VWA3B: variants seen among roughly 807,000 people sequenced by gnomAD.
VWA3B encodes von Willebrand factor A domain containing 3B.
In VWA3B, 138 loss-of-function variants were observed where a neutral mutation model predicts 158.3. That is an observed-to-expected ratio of 0.87 (90% CI 0.76 to 1.00). The LOEUF (loss-of-function observed/expected upper bound fraction) is 1.00, where lower values mean the gene tolerates loss of function less well. Among genes scored for constraint, VWA3B ranks in the 50% least tolerant of loss-of-function variants. The pLI, the probability that VWA3B is intolerant of heterozygous loss-of-function variation, is 0.00. For missense variants in VWA3B, 1,555 were observed against 1,565.1 expected, an observed-to-expected ratio of 0.99 and a Z score of 0.11; for synonymous variants, 596 against 587.3, an observed-to-expected ratio of 1.01 and a Z score of -0.21.
chr2:98,270,884 G>A lies in VWA3B; in HGVS notation c.3045+1G>A, dbSNP rs762357473. On this transcript the variant is annotated splice_donor_variant, in intron 22 of 27. Coordinates refer to ENST00000477737, the MANE Select transcript of VWA3B (RefSeq NM_144992.5). LOFTEE classifies it high-confidence loss of function. ...TTATGCAAACAAGGCCCCGGGAGAG[G>A]TGGGTGCCCTGGAGGTCTCTGTCTT... The A allele has an allele frequency of 1.2e-6, 2 of 1,613,588 alleles. No individual in the cohort carries two copies. Among genetic ancestry groups the A allele is most frequent in the East Asian group, 2.2e-5 (1 of 44,872 alleles).
At chr2:98,200,826 T>C (rs934994719) in intron 12 of VWA3B, among the ~76,000 whole-genome samples, 24 of 152,202 alleles carry the variant, frequency 1.6e-4, no homozygotes, top group Admixed American at 1.0e-3. Flanking sequence ...AAGAATAGGG[T>C]TCATTTTGAG....
At chr2:98,118,144 A>G (rs1030081185) in intron 3 of VWA3B, among the ~76,000 whole-genome samples, 7 of 152,204 alleles carry the variant, frequency 4.6e-5, no homozygotes, top group African/African-American at 9.7e-5. Context: ...ATTAAAATCA[A>G]TGCAAAACTT....
intron 17 of VWA3B, among the ~76,000 whole-genome samples, chr2:98,235,394 C>T (rs62156685): frequency 0.041 from 6,241 of 151,418 alleles, 192 homozygotes; most frequent in Middle Eastern, 0.082. Context: ...ACTCTGTTTT[C>T]TTCATTGCTG....
intron 5 of VWA3B, among the ~76,000 whole-genome samples, chr2:98,127,106 C>T (rs930439077): frequency 6.6e-6 from 1 of 152,140 alleles, no homozygotes; most frequent in Admixed American, 6.5e-5. Flanking sequence ...GGGATGGTGA[C>T]ATCTATTTAC....
rs139923108 is a variant in VWA3B at position 98,254,954 on chromosome 2, C to T, written c.2793-1170C>T. Among the ~76,000 whole-genome samples the T allele has an allele frequency of 6.8e-3, 1,040 of 152,230 alleles. 15 individuals carry two copies. Among genetic ancestry groups the T allele is most frequent in the African/African-American group, 0.024 (991 of 41,494 alleles). On this transcript the variant is annotated intron_variant, in intron 20 of 27. Coordinates refer to ENST00000477737, the MANE Select transcript of VWA3B (RefSeq NM_144992.5). ...GCTGGGTCCAGTGGTTAGAAGAATGCCTCCTGAAGAGCAGTAGCATTCTCC... is the reference window on the plus strand; with the variant it reads ...GCTGGGTCCAGTGGTTAGAAGAATGTCTCCTGAAGAGCAGTAGCATTCTCC...
At position 98,223,116 on chromosome 2, in the gene VWA3B, C is replaced by T. The variant is rs145600060; in HGVS notation, c.2020-5086C>T. ...TGAAACAAATGAACAAATAGGCAAT[C>T]TCAGAATATAAGTAGGAATTATAAA... On this transcript the variant is annotated intron_variant, in intron 14 of 27. Coordinates refer to ENST00000477737, the MANE Select transcript of VWA3B (RefSeq NM_144992.5). Among the ~76,000 whole-genome samples, 957 of 152,082 alleles carry T rather than the reference C, an allele frequency of 6.3e-3. 5 individuals are homozygous for T. The highest frequency in any genetic ancestry group is 0.011 in the Non-Finnish European group (769 of 67,976).
intron 12 of VWA3B, among the ~76,000 whole-genome samples, chr2:98,208,141 G>C (rs532263236): frequency 4.2e-4 from 64 of 151,414 alleles, no homozygotes; most frequent in African/African-American, 1.5e-3. Context: ...AATTTTCTTT[G>C]TGTTAAAGTC....
chr2:98,134,088 T>A, intron 7 of VWA3B, 149 bp downstream of exon 7: 1 of 669,642 alleles, frequency 1.5e-6, no homozygotes, highest in Admixed American at 2.6e-5. Context: ...TTAATGGATA[T>A]TAGTGGTGAG....
At chr2:98,248,865 TTCTTTCTTTCTTTCTTTCTC>T (rs781639633) in intron 19 of VWA3B, among the ~76,000 whole-genome samples, 2,876 of 29,016 alleles carry the variant, frequency 0.099, 79 homozygotes, top group African/African-American at 0.31. Context: ...CTTTCTTTCT[TTCTTTCTTTCTTTCTTTCTC>T]TCTTTCCTTT....
At position 98,093,129 on chromosome 2, in the gene VWA3B, C is replaced by A; in HGVS notation, c.37C>A (p.Gln13Lys). 2 of 1,613,956 alleles carry A rather than the reference C, an allele frequency of 1.2e-6. No individual in the cohort carries two copies. Among genetic ancestry groups the A allele is most frequent in the Non-Finnish European group, 1.7e-6 (2 of 1,179,934 alleles). ...AGGCCCATCTTCTACCATCTCTGAG[C>A]AGCAGCTGCAGAGGCAAGAGGGATG... ...KSGPSSTISE[Q>K]QLQRQEGWIN... The change falls in exon 2 of 28, where the codon CAG becomes AAG. Residue 13 changes from glutamine (Q) to lysine (K), a missense_variant. Coordinates refer to ENST00000477737, the MANE Select transcript of VWA3B (RefSeq NM_144992.5).
chr2:98,127,473 T>C (rs895900794), intron 5 of VWA3B, among the ~76,000 whole-genome samples: 11 of 151,650 alleles, frequency 7.3e-5, no homozygotes, highest in African/African-American at 2.7e-4. Context: ...CGCCCTGAGA[T>C]AGAGAGTTCT....
chr2:98,291,411 G>T (rs1396157828), intron 23 of VWA3B: 1 of 152,198 alleles, frequency 6.6e-6, no homozygotes. Flanking sequence ...ACTTAGAAAT[G>T]AAGAAAGACA....
chr2:98,140,559 T>G (rs1476071672), intron 7 of VWA3B, among the ~76,000 whole-genome samples: 2 of 152,184 alleles, frequency 1.3e-5, no homozygotes, highest in Non-Finnish European at 2.9e-5. Flanking sequence ...GCACCTTCCC[T>G]CCCATACTTC....
At chr2:98,128,565 G>A (rs975477381) in intron 6 of VWA3B, among the ~76,000 whole-genome samples, 157 bp downstream of exon 6, 2 of 152,070 alleles carry the variant, frequency 1.3e-5, no homozygotes, top group African/African-American at 2.4e-5. Flanking sequence ...TTTCTTCTCC[G>A]TCTTGTATTA....
At chr2:98,133,650 C>A in intron 6 of VWA3B, 174 bp from the exon 7 acceptor site, 4 of 619,128 alleles carry the variant, frequency 6.5e-6, no homozygotes, top group Non-Finnish European at 1.2e-5. Flanking sequence ...TGCTATTCTG[C>A]CTCCCTGTCT....
intron 9 of VWA3B, among the ~76,000 whole-genome samples, chr2:98,187,098 T>A (rs1232937034): frequency 6.6e-6 from 1 of 152,110 alleles, no homozygotes; most frequent in African/African-American, 2.4e-5. Context: ...ATGGCCACAC[T>A]CTGTTCCGCC....
At chr2:98,183,040 C>G (rs1030195072) in intron 9 of VWA3B, among the ~76,000 whole-genome samples, 1 of 152,204 alleles carries the variant, frequency 6.6e-6, no homozygotes, top group African/African-American at 2.4e-5. Context: ...CTGATCATCT[C>G]CTAACTCATT....
At chr2:98,097,194 C>T (rs887207943) in intron 2 of VWA3B, among the ~76,000 whole-genome samples, 2 of 152,076 alleles carry the variant, frequency 1.3e-5, no homozygotes, top group South Asian at 2.1e-4. Context: ...TTTCAGTGCA[C>T]CTGTAACCCA....
intron 22 of VWA3B, among the ~76,000 whole-genome samples, chr2:98,283,174 C>T (rs969055167): frequency 1.3e-5 from 2 of 152,236 alleles, no homozygotes; most frequent in African/African-American, 4.8e-5. Context: ...TGACTCTACT[C>T]ATTCAGAATT....
Sources: allele counts gnomAD v4.1 joint callset (sites outside exome capture counted in the v4.1 genomes callset), GRCh38; gene constraint gnomAD v4.1.1; transcripts MANE v1.5; gene names NCBI Gene and HGNC (gene_info 2026-07-23, HGNC 2026-07-21).